The following GABRA3 variants were observed in gnomAD, a reference collection of about 807,000 sequenced individuals.
The protein encoded by GABRA3 is gamma-aminobutyric acid type A receptor subunit alpha3.
In GABRA3, 10 loss-of-function variants were observed where a neutral mutation model predicts 30.1. The observed-to-expected ratio is 0.33, with a 90% CI of 0.20 to 0.56. The LOEUF (loss-of-function observed/expected upper bound fraction) is 0.56. GABRA3 is among the 20% of genes least tolerant of loss of function. The probability of loss-of-function intolerance (pLI) is 0.89; values close to 1 mark genes in which losing one functional copy is unlikely to be tolerated. For synonymous variants in GABRA3, 151 were observed against 146.8 expected (o/e 1.03, Z -0.21); for missense variants, 233 against 392.0 (o/e 0.59, Z 3.42).
At chrX:152,257,436 T>C (rs1010864165) in intron 4 of GABRA3, among the ~76,000 whole-genome samples, 1 of 112,632 alleles carries the variant, frequency 8.9e-6, no homozygotes, top group Non-Finnish European at 1.9e-5. Flanking sequence ...TATTCTTTGG[T>C]TTAAAATCCC....
chrX:152,174,519 G>A (rs1260459971), intron 9 of GABRA3, among the ~76,000 whole-genome samples: 30 of 111,900 alleles, frequency 2.7e-4, no homozygotes, highest in African/African-American at 8.1e-4. Flanking sequence ...TGTGGTTTTG[G>A]TTTGCATTTC....
chrX:152,398,880 G>T (rs1929725930), intron 1 of GABRA3, among the ~76,000 whole-genome samples: 1 of 112,022 alleles, frequency 8.9e-6, no homozygotes, highest in Non-Finnish European at 1.9e-5. Context: ...CAGAAAAGAA[G>T]CAATCATGGT....
At chrX:152,239,393 T>C (rs1256045787) in intron 5 of GABRA3, among the ~76,000 whole-genome samples, 1 of 104,684 alleles carries the variant, frequency 9.6e-6, no homozygotes, top group Non-Finnish European at 1.9e-5. Flanking sequence ...TTACATTTGC[T>C]GAGGAGAGCT....
intron 5 of GABRA3, among the ~76,000 whole-genome samples, chrX:152,237,588 G>A (rs745796900): frequency 2.1e-4 from 22 of 105,880 alleles, no homozygotes; most frequent in African/African-American, 7.4e-4. Flanking sequence ...ACCTTGGGCA[G>A]TATGGCCATT....
chrX:152,413,849 G>A (rs1930136862), intron 1 of GABRA3, among the ~76,000 whole-genome samples: 1 of 110,084 alleles, frequency 9.1e-6, no homozygotes, highest in Non-Finnish European at 1.9e-5. Flanking sequence ...ACTTTAAACT[G>A]TCTCTGTTTG....
At chrX:152,237,247 T>C (rs1325285424) in intron 5 of GABRA3, among the ~76,000 whole-genome samples, 3 of 110,946 alleles carry the variant, frequency 2.7e-5, no homozygotes, top group African/African-American at 6.6e-5. Flanking sequence ...ATTTATTAAA[T>C]AGGGAATCCT....
chrX:152,302,273 C>A (rs1401958350), intron 3 of GABRA3, among the ~76,000 whole-genome samples: 4 of 109,436 alleles, frequency 3.7e-5, no homozygotes, highest in African/African-American at 1.0e-4. Context: ...AAAAAAATAG[C>A]CAACCACATT....
rs1434539732 is a variant in GABRA3 at position 152,168,380 on chromosome X, G to T, written c.1327C>A (p.Pro443Thr). The T allele has an allele frequency of 8.3e-7, 1 of 1,211,914 alleles. No homozygotes were observed. Among genetic ancestry groups the T allele is most frequent in the Non-Finnish European group, 1.1e-6 (1 of 895,518 alleles). The change falls in exon 10 of 10, where the codon CCG (proline) becomes ACG (threonine). Residue 443 changes from proline to threonine, a missense_variant. Pro to Thr is a conservative substitution (Grantham distance 38). Coordinates refer to ENST00000370314, the MANE Select transcript of GABRA3 (RefSeq NM_000808.4). ...SPKATYVQDS[P>T]TETKTYNSVS... Reference sequence around the variant, plus strand: ...CTGTTGTAGGTCTTGGTCTCAGTCGGGCTGTCCTGCACGTAGGTGGCCTTG... The same window carrying T: ...CTGTTGTAGGTCTTGGTCTCAGTCGTGCTGTCCTGCACGTAGGTGGCCTTG...
chrX:152,416,035 G>A (rs1320124218), intron 1 of GABRA3, among the ~76,000 whole-genome samples: 2 of 110,165 alleles, frequency 1.8e-5, no homozygotes, highest in Admixed American at 1.9e-4. Flanking sequence ...ACTTAGGCAG[G>A]AGAAGGAAAT....
intron 8 of GABRA3, among the ~76,000 whole-genome samples, chrX:152,191,795 G>A (rs1008501145): frequency 9.0e-6 from 1 of 110,983 alleles, no homozygotes; most frequent in Non-Finnish European, 1.9e-5. Context: ...CCCTAAAGGA[G>A]TACCTTTGCA....
chrX:152,230,122 T>C (rs142098571), intron 5 of GABRA3, among the ~76,000 whole-genome samples: 154 of 111,747 alleles, frequency 1.4e-3, no homozygotes, highest in African/African-American at 4.9e-3. Context: ...GGTATGGAGT[T>C]TCTTTTTTGA....
intron 5 of GABRA3, among the ~76,000 whole-genome samples, chrX:152,254,636 C>T (rs1314357251): frequency 1.8e-5 from 2 of 111,351 alleles, no homozygotes; most frequent in Non-Finnish European, 3.8e-5. Flanking sequence ...TTTCCTTGAC[C>T]ATCTCCTCAT....
chrX:152,428,451 T>C (rs1165021223), intron 1 of GABRA3, among the ~76,000 whole-genome samples: 1 of 112,325 alleles, frequency 8.9e-6, no homozygotes, highest in African/African-American at 3.2e-5. Context: ...TAAACAGGAA[T>C]GTGCAATGTG....
intron 5 of GABRA3, among the ~76,000 whole-genome samples, chrX:152,237,276 T>A (rs1938242305): frequency 9.0e-6 from 1 of 110,536 alleles, no homozygotes; most frequent in Admixed American, 9.7e-5. Flanking sequence ...TTCTTGTTTT[T>A]CTCAGGTTTG....
chrX:152,367,657 T>C (rs1000263380), intron 1 of GABRA3, among the ~76,000 whole-genome samples: 2 of 111,182 alleles, frequency 1.8e-5, no homozygotes, highest in Admixed American at 9.6e-5. Context: ...TAAACCCAGG[T>C]TAGGTTTAAG....
At chrX:152,381,340 C>T (rs987627359) in intron 1 of GABRA3, among the ~76,000 whole-genome samples, 1 of 111,478 alleles carries the variant, frequency 9.0e-6, no homozygotes, top group Non-Finnish European at 1.9e-5. Context: ...TACTTGTTTG[C>T]CATTTGTATA....
chrX:152,325,969 G>A (rs910055495), intron 3 of GABRA3, among the ~76,000 whole-genome samples: 2 of 110,913 alleles, frequency 1.8e-5, no homozygotes, highest in African/African-American at 3.3e-5. Flanking sequence ...AAGATTAGGC[G>A]AATGGCTAAC....
intron 7 of GABRA3, among the ~76,000 whole-genome samples, chrX:152,206,950 G>C (rs1280218878): frequency 9.0e-6 from 1 of 111,196 alleles, no homozygotes; most frequent in African/African-American, 3.3e-5. Context: ...ACAGCTTTCA[G>C]CTTCCCTAAC....
intron 3 of GABRA3, among the ~76,000 whole-genome samples, chrX:152,340,312 T>A (rs886249678): frequency 2.7e-5 from 3 of 112,415 alleles, no homozygotes; most frequent in Non-Finnish European, 5.6e-5. Context: ...ACATTTTCCT[T>A]GTACATATAT....
Sources: allele counts gnomAD v4.1 joint callset (sites outside exome capture counted in the v4.1 genomes callset), GRCh38; gene constraint gnomAD v4.1.1; transcripts MANE v1.5; gene names NCBI Gene and HGNC (gene_info 2026-07-23, HGNC 2026-07-21).